BROX: variants seen among roughly 807,000 people sequenced by gnomAD.
BROX encodes BRO1 domain-containing protein BROX.
In BROX, 53 loss-of-function variants were observed where a neutral mutation model predicts 61.0. The ratio of observed to expected loss-of-function variants is 0.87; its 90% CI spans 0.70 to 1.09. The LOEUF is 1.09. Among genes scored for constraint, BROX ranks in the 50% least tolerant of loss-of-function variants. BROX has a pLI of 0.00. For missense variants in BROX, 489 were observed against 472.0 expected, an observed-to-expected ratio of 1.04 and a Z score of -0.33; for synonymous variants, 152 against 160.2, an observed-to-expected ratio of 0.95 and a Z score of 0.38.
chr1:222,724,089 A>G lies in BROX; in HGVS notation c.402-3A>G, dbSNP rs1657311680. 1.9e-6 allele frequency: 3 copies of G among 1,600,618 alleles called. No individual in the cohort carries two copies. Among genetic ancestry groups the G allele is most frequent in the Non-Finnish European group, 2.6e-6 (3 of 1,173,234 alleles). The stretch of plus-strand genomic sequence containing the variant: ...TCTAACTAATGTAACCCCTATCTTT[A>G]AGTATAACAGAAGATGAAGCAAAAG... On this transcript the variant is annotated splice_region_variant and splice_polypyrimidine_tract_variant and intron_variant, in intron 5 of 12. Coordinates refer to ENST00000340934, the MANE Select transcript of BROX (RefSeq NM_144695.4).
chr1:222,729,767 T>A (rs1021291827), intron 10 of BROX, 66 bp downstream of exon 10: 2 of 1,459,006 alleles, frequency 1.4e-6, no homozygotes, highest in South Asian at 2.4e-5. Context: ...TAAAAGGGAA[T>A]ATATGCTTAA....
intron 11 of BROX, 111 bp from the exon 12 acceptor site, chr1:222,731,246 A>G: frequency 2.1e-6 from 2 of 942,954 alleles, no homozygotes; most frequent in Non-Finnish European, 3.0e-6. Flanking sequence ...TAAGGCAGAA[A>G]AACCTCTTAT....
rs191686908 is a variant in BROX at position 222,728,170 on chromosome 1, T to G, written c.671-573T>G. Reference sequence around the variant, plus strand: ...CAGTATTAGAGATAGGCTTGCTACATGAAGGAGTAATAGGCTAACTTAACT... The same window carrying G: ...CAGTATTAGAGATAGGCTTGCTACAGGAAGGAGTAATAGGCTAACTTAACT... On this transcript the variant is annotated intron_variant, in intron 8 of 12. Coordinates refer to ENST00000340934, the MANE Select transcript of BROX (RefSeq NM_144695.4). Among the ~76,000 whole-genome samples, 36 of 152,308 alleles carry G rather than the reference T, an allele frequency of 2.4e-4. No individual in the cohort carries two copies. The South Asian group carries it at 5.2e-3, about 22-fold the overall frequency.
At chr1:222,723,982 C>G in intron 5 of BROX, 110 bp from the exon 6 acceptor site, 1 of 711,604 alleles carries the variant, frequency 1.4e-6, no homozygotes, top group Non-Finnish European at 2.3e-6. Flanking sequence ...AGAAAATTAG[C>G]AGTGAGAAAC....
chr1:222,730,190 T>C lies in BROX; in HGVS notation c.989+13T>C, dbSNP rs751583884. 2.0e-5 allele frequency: 30 copies of C among 1,488,966 alleles called. 1 individual carries two copies. The highest frequency in any genetic ancestry group is 3.5e-4 in the Middle Eastern group (2 of 5,686). 92.2% of individuals were successfully genotyped at this position (1,488,966 alleles called of 1,614,324 possible). On this transcript the variant is annotated intron_variant, in intron 11 of 12. Coordinates refer to ENST00000340934, the MANE Select transcript of BROX (RefSeq NM_144695.4). Reference sequence around the variant, plus strand: ...AAAATGGATTTATGTGAGTACAGTTTAATATTACTTTAGTAATAATATTAT... The same window carrying C: ...AAAATGGATTTATGTGAGTACAGTTCAATATTACTTTAGTAATAATATTAT...
intron 5 of BROX, among the ~76,000 whole-genome samples, chr1:222,723,369 G>C (rs1657247156): frequency 6.6e-6 from 1 of 152,172 alleles, no homozygotes; most frequent in Non-Finnish European, 1.5e-5. Context: ...TTGAACTCCT[G>C]GCTTCAGGTG....
In BROX at chr1:222,730,026, G is replaced by A; in HGVS notation, c.839-1G>A. ...AGACTTTAAATCTCTTTCACATGCAGTGTATGCAAAGGCAGAAGCACTGTG... is the reference window on the plus strand; with the variant it reads ...AGACTTTAAATCTCTTTCACATGCAATGTATGCAAAGGCAGAAGCACTGTG... On this transcript the variant is annotated splice_acceptor_variant, in intron 10 of 12. Transcript: ENST00000340934. LOFTEE classifies it high-confidence loss of function. 6.3e-7 allele frequency: 1 copy of A among 1,599,508 alleles called. No individual in the cohort carries two copies. Among genetic ancestry groups the A allele is most frequent in the East Asian group, 2.2e-5 (1 of 44,698 alleles).
chr1:222,718,976 C>G lies in BROX; in HGVS notation c.153C>G (p.Ser51Arg), dbSNP rs1656853866. 1.2e-6 allele frequency: 2 copies of G among 1,613,898 alleles called. No homozygotes were observed. Among genetic ancestry groups the G allele is most frequent in the Non-Finnish European group, 1.7e-6 (2 of 1,179,888 alleles). ...TCCTTGAACTGTTCACTGATTTGAG[C>G]TGTAATCCAGAAATGATGAAGAATG... ...ARLLELFTDL[S>R]CNPEMMKNAA... is the part of the protein sequence containing the mutation. Residue 51 changes from serine to arginine, a missense_variant, in exon 3 of 13, where the codon AGC becomes AGG. Ser to Arg is a moderately radical substitution (Grantham distance 110). Transcript: ENST00000340934.
At chr1:222,729,517 C>G (rs559672747) in intron 9 of BROX, 103 bp from the exon 10 acceptor site, 1 of 760,902 alleles carries the variant, frequency 1.3e-6, no homozygotes, top group East Asian at 2.8e-5. Flanking sequence ...TGCATTGATA[C>G]TTCAGTGTAT....
At chr1:222,725,650 A>T in intron 7 of BROX, 95 bp downstream of exon 7, 1 of 960,806 alleles carries the variant, frequency 1.0e-6, no homozygotes, top group Non-Finnish European at 1.5e-6. Context: ...TGGCTTATGC[A>T]TGTAGTCCCA....
chr1:222,721,156 A>C (rs994959129), intron 4 of BROX, among the ~76,000 whole-genome samples: 4 of 152,212 alleles, frequency 2.6e-5, no homozygotes, highest in African/African-American at 9.6e-5. Context: ...ATATTATTTA[A>C]AAGTTATAAA....
In BROX at chr1:222,712,576, G is replaced by A; in HGVS notation, c.-383G>A. 5 of 1,371,176 alleles carry A rather than the reference G, an allele frequency of 3.6e-6. No individual in the cohort carries two copies. The highest frequency in any genetic ancestry group is 1.5e-5 in the South Asian group (1 of 67,074). 84.9% of individuals were successfully genotyped at this position (1,371,176 alleles called of 1,614,324 possible). The stretch of plus-strand genomic sequence containing the variant: ...TTGAGGCCGCCCCACTGCGCCGAGG[G>A]CCGCCATCGCTATTGCGGCATTCTC... On this transcript the variant is annotated 5_prime_UTR_variant, in exon 1 of 13. Transcript: ENST00000340934.
Position 222,732,928 on chromosome 1 carries a change from T to G in BROX, c.*214T>G. 2 of 521,478 alleles carry G rather than the reference T, an allele frequency of 3.8e-6. No individual in the cohort carries two copies. The highest frequency in any genetic ancestry group is 6.7e-6 in the Non-Finnish European group (2 of 297,788). 32.3% of individuals were successfully genotyped at this position (521,478 alleles called of 1,614,324 possible). A position where few individuals can be genotyped will look rare whatever the true frequency, so the allele number is the denominator to read the frequency against. ...TCTCCTTTTTAATCAGGACAACATT[T>G]GAAAGATTTTATTGTGCCTCTAAAG... On this transcript the variant is annotated 3_prime_UTR_variant, in exon 13 of 13. Transcript: ENST00000340934.
intron 11 of BROX, 23 bp downstream of exon 11, chr1:222,730,200 T>A: frequency 7.3e-7 from 1 of 1,369,138 alleles, no homozygotes; most frequent in Non-Finnish European, 1.0e-6. Context: ...TAATATTACT[T>A]TAGTAATAAT....
In BROX at chr1:222,729,637, TGA is replaced by T; in HGVS notation, c.777_778del (p.Glu259AspfsTer5). On this transcript the variant is annotated frameshift_variant, in exon 10 of 13. Transcript: ENST00000340934. LOFTEE classifies it high-confidence loss of function. Reference protein sequence around the residue: ...YTAYAYCYHGETLLASDKCGE... With the variant: ...YTAYAYCYHGXTLLASDKCGE... ...TTCATCAGGCTTACTGTTACCATGGTGAGACTTTATTGGCTAGTGATAAATGC... is the reference window on the plus strand; with the variant it reads ...TTCATCAGGCTTACTGTTACCATGGTGACTTTATTGGCTAGTGATAAATGC... 6.2e-7 allele frequency: 1 copy of T among 1,613,004 alleles called. No homozygotes were observed. The highest frequency in any genetic ancestry group is 1.1e-5 in the South Asian group (1 of 91,016).
chr1:222,716,255 C>T (rs1026612971), intron 2 of BROX, among the ~76,000 whole-genome samples: 1 of 152,068 alleles, frequency 6.6e-6, no homozygotes, highest in Admixed American at 6.6e-5. Flanking sequence ...CCTGCCACCA[C>T]GCCCTGGTCA....
At chr1:222,714,676 G>A (rs79771188) in intron 1 of BROX, among the ~76,000 whole-genome samples, 3,111 of 151,430 alleles carry the variant, frequency 0.021, 97 homozygotes, top group African/African-American at 0.072. Flanking sequence ...TGCAGCCTAC[G>A]TCTCCTGGAC....
chr1:222,731,336 T>C, intron 11 of BROX, 21 bp from the exon 12 acceptor site: 1 of 1,549,926 alleles, frequency 6.5e-7, no homozygotes, highest in Non-Finnish European at 8.6e-7. Context: ...AATGAATTGC[T>C]ATTTAAATTA....
chr1:222,730,324 G>C, intron 11 of BROX, 147 bp downstream of exon 11: 1 of 498,824 alleles, frequency 2.0e-6, no homozygotes, highest in East Asian at 4.6e-5. Flanking sequence ...GGCTAGGCGT[G>C]GTGGCTCACA....
Sources: allele counts gnomAD v4.1 joint callset (sites outside exome capture counted in the v4.1 genomes callset), GRCh38; gene constraint gnomAD v4.1.1; transcripts MANE v1.5; gene names NCBI Gene and HGNC (gene_info 2026-07-23, HGNC 2026-07-21).